E2F3: variants seen among roughly 807,000 people sequenced by gnomAD.
E2F3 encodes the protein E2F transcription factor 3, also known as transcription factor E2F3.
E2F3 carries 11 observed loss-of-function variants against 44.4 expected under a neutral mutation model. The observed-to-expected ratio is 0.25, with a 90% CI of 0.16 to 0.41. E2F3 has a LOEUF of 0.41. Among genes scored for constraint, E2F3 ranks in the 10% least tolerant of loss-of-function variants. The probability of loss-of-function intolerance (pLI) is 1.00; values close to 1 mark genes in which losing one functional copy is unlikely to be tolerated. For missense variants in E2F3, 487 were observed against 583.6 expected, an observed-to-expected ratio of 0.83 and a Z score of 1.70; for synonymous variants, 249 against 253.0, an observed-to-expected ratio of 0.98 and a Z score of 0.15.
At chr6:20,465,494 G>A (rs1761670768) in intron 1 of E2F3, among the ~76,000 whole-genome samples, 1 of 152,052 alleles carries the variant, frequency 6.6e-6, no homozygotes, top group Non-Finnish European at 1.5e-5. Context: ...GGTTATTGGG[G>A]AACAGGTGGT....
At chr6:20,452,044 A>G (rs531076379) in intron 1 of E2F3, among the ~76,000 whole-genome samples, 1 of 152,302 alleles carries the variant, frequency 6.6e-6, no homozygotes, top group East Asian at 1.9e-4. Flanking sequence ...AGGTTTCGGT[A>G]TAAGGAGGAT....
intron 1 of E2F3, among the ~76,000 whole-genome samples, chr6:20,403,510 G>C (rs1581558579): frequency 6.6e-6 from 1 of 152,040 alleles, no homozygotes; most frequent in Non-Finnish European, 1.5e-5. Context: ...CCCTCTCTCC[G>C]GGACCCGCCG....
intron 1 of E2F3, 41 bp from the exon 2 acceptor site, chr6:20,479,799 TCTTGTC>T (rs1762161725): frequency 6.5e-7 from 1 of 1,541,926 alleles, no homozygotes; most frequent in Admixed American, 1.9e-5. Context: ...CCCTTCTTGT[TCTTGTC>T]CATATGACCG....
At chr6:20,428,500 G>C (rs1760291042) in intron 1 of E2F3, among the ~76,000 whole-genome samples, 1 of 152,194 alleles carries the variant, frequency 6.6e-6, no homozygotes, top group Non-Finnish European at 1.5e-5. Flanking sequence ...TGGGATTACA[G>C]ACGTGAGCCA....
rs749776542 is a variant in E2F3 at position 20,488,205 on chromosome 6, C to G, written c.1092C>G (p.Asn364Lys). Residue 364 changes from asparagine to lysine, a missense_variant, in exon 6 of 7, where the codon AAC becomes AAG. Transcript: ENST00000346618. The part of the protein sequence containing the change: ...ETETHSPMKT[N>K]NQDHNGNIPK... ...AAACACACAGTCCAATGAAAACAAACAACCAAGACCACAATGGGAATATCC... is the reference window on the plus strand; with the variant it reads ...AAACACACAGTCCAATGAAAACAAAGAACCAAGACCACAATGGGAATATCC... The G allele has an allele frequency of 8.7e-6, 14 of 1,609,264 alleles. No individual in the cohort carries two copies. The African/African-American group carries it at 1.9e-4, about 22-fold the overall frequency.
intron 1 of E2F3, among the ~76,000 whole-genome samples, chr6:20,447,683 G>T (rs1202061602): frequency 6.6e-6 from 1 of 152,122 alleles, no homozygotes; most frequent in Non-Finnish European, 1.5e-5. Context: ...TAAGGGAATA[G>T]GCTGTGAAGT....
chr6:20,425,364 C>T (rs1408659910), intron 1 of E2F3, among the ~76,000 whole-genome samples: 1 of 150,692 alleles, frequency 6.6e-6, no homozygotes, highest in Non-Finnish European at 1.5e-5. Context: ...AGGAGCTGTG[C>T]GCACAACCCC....
intron 1 of E2F3, among the ~76,000 whole-genome samples, chr6:20,424,763 T>G (rs1187883403): frequency 6.6e-6 from 1 of 152,194 alleles, no homozygotes. Context: ...TTTACATTTT[T>G]TCTTTCATCT....
intron 1 of E2F3, among the ~76,000 whole-genome samples, chr6:20,414,305 C>T (rs545894562): frequency 2.6e-5 from 4 of 152,272 alleles, no homozygotes; most frequent in African/African-American, 9.6e-5. Flanking sequence ...TTATTTATTA[C>T]ATGCTTTACC....
intron 1 of E2F3, among the ~76,000 whole-genome samples, chr6:20,423,580 C>T (rs930601548): frequency 1.3e-5 from 2 of 151,938 alleles, no homozygotes; most frequent in Non-Finnish European, 2.9e-5. Context: ...AACCGATTCT[C>T]CTGCCTCAGC....
intron 1 of E2F3, among the ~76,000 whole-genome samples, chr6:20,461,574 T>C (rs1761510645): frequency 6.6e-6 from 1 of 152,242 alleles, no homozygotes; most frequent in African/African-American, 2.4e-5. Flanking sequence ...CTGTGTTGTG[T>C]ATGTCTACTT....
At chr6:20,448,554 A>G (rs1761023524) in intron 1 of E2F3, among the ~76,000 whole-genome samples, 1 of 152,220 alleles carries the variant, frequency 6.6e-6, no homozygotes, top group Admixed American at 6.5e-5. Context: ...ATCTCTTCAG[A>G]TAGACATAGA....
intron 4 of E2F3, among the ~76,000 whole-genome samples, chr6:20,485,496 T>C (rs1438494119): frequency 6.6e-6 from 1 of 152,112 alleles, no homozygotes; most frequent in Non-Finnish European, 1.5e-5. Flanking sequence ...ACGAGAATCA[T>C]TTAACCCCAG....
intron 1 of E2F3, among the ~76,000 whole-genome samples, chr6:20,462,434 A>G (rs1472128272): frequency 2.0e-5 from 3 of 149,830 alleles, no homozygotes; most frequent in Admixed American, 2.0e-4. Context: ...ACCTATCGGT[A>G]TGCCTGTACA....
chr6:20,491,291 C>A lies in E2F3; in HGVS notation c.*861C>A, dbSNP rs1052108463. The A allele has an allele frequency of 3.0e-5, 7 of 230,626 alleles. No individual in the cohort carries two copies. Among genetic ancestry groups the A allele is most frequent in the African/African-American group, 1.3e-4 (6 of 45,160 alleles). The allele number at this position is 230,626 out of a possible 1,614,324, so 14.3% of individuals were successfully genotyped here. A position where few individuals can be genotyped will look rare whatever the true frequency, so the allele number is the denominator to read the frequency against. On this transcript the variant is annotated 3_prime_UTR_variant, in exon 7 of 7. Transcript: ENST00000346618. The stretch of plus-strand genomic sequence containing the variant: ...ATTCCTGTGGCACCCATCACCATTT[C>A]AATTTAATTGTTTACTTTGAAGCGG...
Position 20,431,465 on chromosome 6 carries a change from T to G in E2F3, c.393+28840T>G, listed in dbSNP as rs183447099. On this transcript the variant is annotated intron_variant, in intron 1 of 6. Coordinates refer to ENST00000346618, the MANE Select transcript of E2F3 (RefSeq NM_001949.5). Reference sequence around the variant, plus strand: ...TGCCAGGAGCACTGCTTTTTGCTTTTTTGTCTCTCTAGGAGCAGACTGAAC... The same window carrying G: ...TGCCAGGAGCACTGCTTTTTGCTTTGTTGTCTCTCTAGGAGCAGACTGAAC... Among the ~76,000 whole-genome samples, 11 of 152,258 alleles carry G rather than the reference T, an allele frequency of 7.2e-5. No individual in the cohort carries two copies. In the East Asian group the frequency reaches 2.1e-3, roughly 29 times the overall value.
In E2F3 at chr6:20,491,276, C is replaced by T. The variant is rs779212686; in HGVS notation, c.*846C>T. 1.3e-5 allele frequency: 3 copies of T among 230,918 alleles called. No individual in the cohort carries two copies. Among genetic ancestry groups the T allele is most frequent in the Non-Finnish European group, 2.6e-5 (3 of 116,296 alleles). The allele number at this position is 230,918 out of a possible 1,614,324, so 14.3% of individuals were successfully genotyped here. A position where few individuals can be genotyped will look rare whatever the true frequency, so the allele number is the denominator to read the frequency against. The stretch of plus-strand genomic sequence containing the variant: ...AGCTGCCATTTAAGCATTCCTGTGG[C>T]ACCCATCACCATTTCAATTTAATTG... On this transcript the variant is annotated 3_prime_UTR_variant, in exon 7 of 7. Coordinates refer to ENST00000346618, the MANE Select transcript of E2F3 (RefSeq NM_001949.5).
chr6:20,401,900 C>G lies in E2F3; in HGVS notation c.-333C>G, dbSNP rs1228144540. 1 of 384,914 alleles carries G rather than the reference C, an allele frequency of 2.6e-6. No individual in the cohort carries two copies. Among genetic ancestry groups the G allele is most frequent in the Non-Finnish European group, 4.6e-6 (1 of 218,224 alleles). The allele number at this position is 384,914 out of a possible 1,614,324, so 23.8% of individuals were successfully genotyped here. A position where few individuals can be genotyped will look rare whatever the true frequency, so the allele number is the denominator to read the frequency against. ...CTTCATTCATTGTCAGCAGCAGCTT[C>G]CTGGAGCCATTTTTCAGCTGCCGGC... On this transcript the variant is annotated 5_prime_UTR_variant, in exon 1 of 7. Transcript: ENST00000346618.
chr6:20,419,484 A>G (rs1759951721), intron 1 of E2F3, among the ~76,000 whole-genome samples: 1 of 152,206 alleles, frequency 6.6e-6, no homozygotes, highest in Non-Finnish European at 1.5e-5. Flanking sequence ...ACACTAGGTA[A>G]CATTAGTCTT....
Sources: gnomAD v4.1 joint callset for allele counts (sites outside exome capture counted in the v4.1 genomes callset) on GRCh38, gnomAD v4.1.1 for gene constraint, MANE v1.5 for transcripts, NCBI Gene and HGNC (gene_info 2026-07-23, HGNC 2026-07-21) for gene names.